Variants in GULP1 observed in about 807,000 individuals in gnomAD.
GULP1 encodes the protein GULP PTB domain containing engulfment adaptor 1, also known as PTB domain-containing engulfment adapter protein 1.
Under a neutral mutation model 40.9 loss-of-function variants are expected in GULP1, and 19 were observed. The observed-to-expected ratio is 0.46, with a 90% CI of 0.32 to 0.68. GULP1 has a LOEUF of 0.68. Ranked by LOEUF, GULP1 falls within the 30% of genes least tolerant of loss-of-function variation. The pLI, the probability that GULP1 is intolerant of heterozygous loss-of-function variation, is 0.03. For missense variants in GULP1, 312 were observed against 362.2 expected (o/e 0.86, Z 1.12); for synonymous variants, 119 against 117.6 (o/e 1.01, Z -0.08).
intron 1 of GULP1, among the ~76,000 whole-genome samples, chr2:188,368,234 T>G (rs2047063764): frequency 6.6e-6 from 1 of 152,128 alleles, no homozygotes; most frequent in Non-Finnish European, 1.5e-5. Flanking sequence ...TCTATAAAAC[T>G]GAGAAAGAAT....
chr2:188,342,514 A>G (rs901951624), intron 1 of GULP1, among the ~76,000 whole-genome samples: 2 of 152,150 alleles, frequency 1.3e-5, no homozygotes, highest in Non-Finnish European at 1.5e-5. Context: ...TTTCCAGATA[A>G]GGTCACATTC....
At chr2:188,324,815 G>A (rs926263783) in intron 1 of GULP1, among the ~76,000 whole-genome samples, 8 of 151,808 alleles carry the variant, frequency 5.3e-5, no homozygotes, top group Admixed American at 2.0e-4. Flanking sequence ...GACACATCAT[G>A]ATAAAACTAC....
intron 6 of GULP1, among the ~76,000 whole-genome samples, chr2:188,529,696 G>C (rs1360202613): frequency 6.6e-6 from 1 of 152,058 alleles, no homozygotes; most frequent in Non-Finnish European, 1.5e-5. Flanking sequence ...ATGCCAGCAG[G>C]GTTAGTTTCC....
chr2:188,490,510 G>C (rs1400716590), intron 4 of GULP1, among the ~76,000 whole-genome samples: 1 of 152,100 alleles, frequency 6.6e-6, no homozygotes, highest in South Asian at 2.1e-4. Context: ...CAGGGGTTTG[G>C]CAGAGATGTG....
At chr2:188,404,024 A>G (rs1429342180) in intron 2 of GULP1, among the ~76,000 whole-genome samples, 1 of 152,160 alleles carries the variant, frequency 6.6e-6, no homozygotes, top group Non-Finnish European at 1.5e-5. Flanking sequence ...CTCTCACTAA[A>G]GACAGACTTA....
chr2:188,438,759 A>G (rs2057663424), intron 2 of GULP1, among the ~76,000 whole-genome samples: 1 of 144,764 alleles, frequency 6.9e-6, no homozygotes, highest in African/African-American at 2.6e-5. Context: ...TAGTTAAAAC[A>G]CATGTTTTCA....
rs572313387 is a variant in GULP1 at position 188,439,652 on chromosome 2, G to A, written c.-44-38007G>A. On this transcript the variant is annotated intron_variant, in intron 2 of 11. Transcript: ENST00000409830. ...GTTATACACCAAATTGCTATCAGTG[G>A]TAAGGACATGACTCTGGTGGTAGGA... Among the ~76,000 whole-genome samples, 8 of 152,172 alleles carry A rather than the reference G, an allele frequency of 5.3e-5. No individual in the cohort carries two copies. In the South Asian group the frequency reaches 1.2e-3, roughly 24 times the overall value.
At chr2:188,537,149 A>T (rs528002777) in intron 6 of GULP1, among the ~76,000 whole-genome samples, 1 of 151,894 alleles carries the variant, frequency 6.6e-6, no homozygotes, top group East Asian at 1.9e-4. Flanking sequence ...AGTTTGACTT[A>T]TTATTTTTTT....
At chr2:188,369,370 G>A (rs537825631) in intron 1 of GULP1, among the ~76,000 whole-genome samples, 1 of 150,562 alleles carries the variant, frequency 6.6e-6, no homozygotes, top group African/African-American at 2.5e-5. Flanking sequence ...AAAAGATTAT[G>A]ATAGATTCTT....
intron 4 of GULP1, among the ~76,000 whole-genome samples, chr2:188,501,512 G>A (rs559760774): frequency 2.6e-5 from 4 of 151,936 alleles, no homozygotes; most frequent in South Asian, 2.1e-4. Flanking sequence ...GTTACAGTTT[G>A]TTATTAGCGT....
At chr2:188,333,411 T>C (rs996918991) in intron 1 of GULP1, among the ~76,000 whole-genome samples, 3 of 152,068 alleles carry the variant, frequency 2.0e-5, no homozygotes, top group African/African-American at 7.2e-5. Context: ...TGGGCAAATA[T>C]CTCTTACTAA....
chr2:188,492,649 T>TAA (rs35342268), intron 4 of GULP1, among the ~76,000 whole-genome samples: 10 of 150,578 alleles, frequency 6.6e-5, no homozygotes, highest in Non-Finnish European at 1.3e-4. Context: ...GAATTAACTT[T>TAA]AAAAAAAAAG....
At chr2:188,337,090 CTATATCTATAT>C (rs2042361372) in intron 1 of GULP1, among the ~76,000 whole-genome samples, 1 of 3,308 alleles carries the variant, frequency 3.0e-4, no homozygotes, top group Admixed American at 5.2e-3. Flanking sequence ...ATATCTGTAT[CTATATCTATAT>C]CTATATCTAT....
chr2:188,562,095 C>G (rs538836311), intron 7 of GULP1, among the ~76,000 whole-genome samples: 1 of 152,308 alleles, frequency 6.6e-6, no homozygotes, highest in African/African-American at 2.4e-5. Flanking sequence ...CTTCTGGGCC[C>G]CAGGACAGTG....
chr2:188,510,562 C>T (rs2064402069), intron 4 of GULP1, among the ~76,000 whole-genome samples: 1 of 151,476 alleles, frequency 6.6e-6, no homozygotes, highest in African/African-American at 2.4e-5. Flanking sequence ...TCTAACTTAC[C>T]AAAACTTATA....
intron 2 of GULP1, among the ~76,000 whole-genome samples, chr2:188,475,854 C>CA (rs1231052162): frequency 2.0e-5 from 3 of 151,478 alleles, no homozygotes; most frequent in African/African-American, 7.3e-5. Flanking sequence ...AGTCTGATGG[C>CA]AAAATCCTCA....
At chr2:188,382,796 G>A (rs1025306873) in intron 1 of GULP1, among the ~76,000 whole-genome samples, 15 of 152,122 alleles carry the variant, frequency 9.9e-5, no homozygotes, top group Admixed American at 9.2e-4. Flanking sequence ...TGAGACAGAA[G>A]AAAACAAATA....
At chr2:188,502,137 C>T (rs933966904) in intron 4 of GULP1, among the ~76,000 whole-genome samples, 2 of 151,626 alleles carry the variant, frequency 1.3e-5, no homozygotes, top group African/African-American at 4.8e-5. Context: ...GTGTAAGAGG[C>T]AATTGAGGAG....
chr2:188,442,659 A>G (rs1264698530), intron 2 of GULP1, among the ~76,000 whole-genome samples: 3 of 152,176 alleles, frequency 2.0e-5, no homozygotes, highest in Non-Finnish European at 2.9e-5. Context: ...ATTGTAGACA[A>G]ATTTATCCAA....
Sources: allele counts gnomAD v4.1 joint callset (sites outside exome capture counted in the v4.1 genomes callset), GRCh38; gene constraint gnomAD v4.1.1; transcripts MANE v1.5; gene names NCBI Gene and HGNC (gene_info 2026-07-23, HGNC 2026-07-21).